ESRRG: variants seen among roughly 807,000 people sequenced by gnomAD.
ESRRG encodes the protein estrogen related receptor gamma.
A neutral mutation model predicts 44.0 loss-of-function variants in ESRRG; 13 were observed. That is an observed-to-expected ratio of 0.30 (90% CI 0.19 to 0.47). ESRRG has a LOEUF of 0.47. Among genes scored for constraint, ESRRG ranks in the 20% least tolerant of loss-of-function variants. The pLI, the probability that ESRRG is intolerant of heterozygous loss-of-function variation, is 1.00. For missense variants in ESRRG, 395 were observed against 580.6 expected (o/e 0.68, Z 3.29); for synonymous variants, 215 against 214.6 (o/e 1.00, Z -0.02).
chr1:217,086,726 T>G (rs1482537342), intron 1 of ESRRG, among the ~76,000 whole-genome samples: 1 of 152,222 alleles, frequency 6.6e-6, no homozygotes, highest in East Asian at 1.9e-4. Context: ...CTCAAAATCT[T>G]TCTATTCCCA....
chr1:217,088,335 G>A (rs2092211408), intron 1 of ESRRG, among the ~76,000 whole-genome samples: 1 of 150,570 alleles, frequency 6.6e-6, no homozygotes, highest in Non-Finnish European at 1.5e-5. Flanking sequence ...GAAAGTAGTA[G>A]GAGGTCATAT....
chr1:216,809,922 T>C (rs1052264863), intron 2 of ESRRG, among the ~76,000 whole-genome samples: 6 of 152,146 alleles, frequency 3.9e-5, no homozygotes, highest in African/African-American at 1.4e-4. Flanking sequence ...TCAGAACAAA[T>C]TGAGCAAGCC....
intron 1 of ESRRG, among the ~76,000 whole-genome samples, chr1:217,115,703 A>T (rs1489032894): frequency 1.3e-5 from 2 of 152,026 alleles, no homozygotes; most frequent in Non-Finnish European, 2.9e-5. Flanking sequence ...TGTCTGCCTG[A>T]TCCAGATTTC....
intron 2 of ESRRG, among the ~76,000 whole-genome samples, chr1:216,740,820 G>A (rs1436333560): frequency 6.6e-6 from 1 of 151,918 alleles, no homozygotes; most frequent in Non-Finnish European, 1.5e-5. Flanking sequence ...TTATTTGCAG[G>A]CAGAGGTGCC....
At chr1:216,928,588 T>C (rs1403703225) in intron 2 of ESRRG, among the ~76,000 whole-genome samples, 2 of 152,174 alleles carry the variant, frequency 1.3e-5, no homozygotes, top group African/African-American at 4.8e-5. Context: ...ATCTATCCTT[T>C]CCTTCCCTGA....
chr1:216,803,584 T>C (rs963783887), intron 2 of ESRRG, among the ~76,000 whole-genome samples: 17 of 152,134 alleles, frequency 1.1e-4, no homozygotes, highest in African/African-American at 4.1e-4. Context: ...TTTTTTTAGC[T>C]TATTTGAACA....
chr1:216,849,563 A>C (rs763527645), intron 2 of ESRRG, among the ~76,000 whole-genome samples: 3 of 152,132 alleles, frequency 2.0e-5, no homozygotes, highest in Non-Finnish European at 2.9e-5. Context: ...CTTGTTAGGT[A>C]TTATCTGCAA....
intron 2 of ESRRG, among the ~76,000 whole-genome samples, chr1:216,653,652 A>T (rs946701509): frequency 1.3e-5 from 2 of 152,178 alleles, no homozygotes; most frequent in African/African-American, 4.8e-5. Flanking sequence ...CCAATCTTTC[A>T]TGAAAACTTC....
intron 1 of ESRRG, among the ~76,000 whole-genome samples, chr1:216,955,646 AT>A (rs2150120809): frequency 6.6e-6 from 1 of 152,254 alleles, no homozygotes; most frequent in East Asian, 1.9e-4. Flanking sequence ...GGCTGTGTTA[AT>A]TTACATTCCC....
At chr1:216,818,396 A>C (rs1464656986) in intron 2 of ESRRG, among the ~76,000 whole-genome samples, 1 of 152,176 alleles carries the variant, frequency 6.6e-6, no homozygotes, top group Non-Finnish European at 1.5e-5. Flanking sequence ...AGGACTAGAA[A>C]ATTGTAGAGG....
intron 1 of ESRRG, among the ~76,000 whole-genome samples, chr1:217,037,546 T>A (rs1163028777): frequency 6.6e-6 from 1 of 152,110 alleles, no homozygotes; most frequent in Non-Finnish European, 1.5e-5. Context: ...CCCTCTCACA[T>A]GGGAACCATG....
intron 3 of ESRRG, among the ~76,000 whole-genome samples, chr1:216,586,919 A>T (rs935626651): frequency 2.0e-5 from 3 of 152,094 alleles, no homozygotes; most frequent in Non-Finnish European, 4.4e-5. Context: ...GCACCAACAT[A>T]ATATTTAAGG....
rs953446206 is a variant in ESRRG at position 217,084,499 on chromosome 1, C to T, written c.-106+5008G>A. ...CAAACTTAAATGAGCCACTCTATAA[C>T]GTAGATATCTGGAAATATGGTTTAT... On this transcript the variant is annotated intron_variant, in intron 1 of 7. Transcript: ENST00000359162. Among the ~76,000 whole-genome samples the T allele has an allele frequency of 3.9e-5, 6 of 152,040 alleles. No individual in the cohort carries two copies. The East Asian group carries it at 9.6e-4, about 24-fold the overall frequency.
intron 3 of ESRRG, among the ~76,000 whole-genome samples, chr1:216,613,435 G>A (rs1261969456): frequency 6.6e-6 from 1 of 152,080 alleles, no homozygotes; most frequent in Non-Finnish European, 1.5e-5. Context: ...TTTTGGCAGA[G>A]GTGCTATAAG....
chr1:216,927,215 C>T (rs963767604), intron 2 of ESRRG, among the ~76,000 whole-genome samples: 3 of 152,126 alleles, frequency 2.0e-5, no homozygotes, highest in Non-Finnish European at 4.4e-5. Flanking sequence ...TCTTCAAAGG[C>T]TCGATTTTTC....
intron 2 of ESRRG, among the ~76,000 whole-genome samples, chr1:216,816,542 G>T (rs2095143918): frequency 1.3e-5 from 2 of 152,156 alleles, no homozygotes; most frequent in Admixed American, 6.5e-5. Context: ...TACAGTAAAA[G>T]AATCACACTC....
intron 2 of ESRRG, among the ~76,000 whole-genome samples, chr1:216,654,046 C>T (rs1276268823): frequency 6.6e-6 from 1 of 151,592 alleles, no homozygotes; most frequent in Non-Finnish European, 1.5e-5. Flanking sequence ...TTGCTTGAAC[C>T]CAGAAGGCGG....
chr1:217,069,448 T>C (rs899512271), intron 1 of ESRRG, among the ~76,000 whole-genome samples: 1 of 151,056 alleles, frequency 6.6e-6, no homozygotes, highest in African/African-American at 2.4e-5. Flanking sequence ...TATACATATA[T>C]ATAGATAGCA....
intron 3 of ESRRG, among the ~76,000 whole-genome samples, chr1:216,611,095 C>T (rs1031903602): frequency 1.3e-5 from 2 of 149,568 alleles, no homozygotes; most frequent in South Asian, 2.1e-4. Context: ...CCCAGCTACT[C>T]GGGAGGCTGA....
Sources: allele counts gnomAD v4.1 joint callset (sites outside exome capture counted in the v4.1 genomes callset), GRCh38; gene constraint gnomAD v4.1.1; transcripts MANE v1.5; gene names NCBI Gene and HGNC (gene_info 2026-07-23, HGNC 2026-07-21).